Variants in KCNH3 observed in about 807,000 individuals in gnomAD.
KCNH3 encodes potassium voltage-gated channel subfamily H member 3.
Under a neutral mutation model 95.6 loss-of-function variants are expected in KCNH3, and 36 were observed. The observed-to-expected ratio is 0.38, with a 90% confidence interval of 0.29 to 0.50. KCNH3 has a LOEUF of 0.50. Among genes scored for constraint, KCNH3 ranks in the 20% least tolerant of loss-of-function variants. KCNH3 has a pLI of 0.95. For missense variants in KCNH3, 1,030 were observed against 1,484.1 expected (o/e 0.69, Z 5.03); for synonymous variants, 620 against 646.3 (o/e 0.96, Z 0.62).
In KCNH3 at chr12:49,557,798, G is replaced by C; in HGVS notation, c.3097G>C (p.Val1033Leu). The change falls in exon 15 of 15, where the codon GTG (valine) becomes CTG (leucine). Residue 1033 changes from valine to leucine, a missense_variant. This residue lies in a region of KCNH3 where 464 missense variants were observed against 493.2 expected (regional missense o/e 0.94). Transcript: ENST00000257981. The stretch of plus-strand genomic sequence containing the variant: ...GGCTAGGACTGGGCCCGCAGAGCCT[G>C]TGAGCCAGGCTGAGGCTACCAGCAC... ...EGARTGPAEPVSQAEATSTGE... is the reference protein window; with the variant it reads ...EGARTGPAEPLSQAEATSTGE... 6.2e-7 allele frequency: 1 copy of C among 1,606,104 alleles called. No individual in the cohort carries two copies. Among genetic ancestry groups the C allele is most frequent in the Non-Finnish European group, 8.5e-7 (1 of 1,174,774 alleles).
rs1056631966 is a variant in KCNH3, at chr12:49,549,541, C to G, written c.1569C>G (p.Asp523Glu). The G allele has an allele frequency of 3.7e-6, 6 of 1,613,510 alleles. No homozygotes were observed. Among genetic ancestry groups the G allele is most frequent in the Admixed American group, 3.3e-5 (2 of 60,008 alleles). ...LYHSRTRDLRDYIRIHRIPKP... is the reference protein window; with the variant it reads ...LYHSRTRDLREYIRIHRIPKP... ...ACAGCCGCACGCGCGACCTGCGCGA[C>G]TACATCCGCATCCACCGTATCCCCA... The change falls in exon 9 of 15, where the codon GAC (aspartate) becomes GAG (glutamate). Residue 523 changes from aspartate (D) to glutamate (E), a missense_variant. Around this residue, in one of 9 missense-constraint regions of KCNH3, gnomAD observed 160 missense variants for 316.2 expected, o/e 0.51. Coordinates refer to ENST00000257981, the MANE Select transcript of KCNH3 (RefSeq NM_012284.3).
rs944040767 is a variant in KCNH3 at position 49,550,151 on chromosome 12, G to A, written c.1740G>A (p.Leu580=). The change falls in exon 10 of 15, where the codon CTG becomes CTA. Residue 580 remains leucine (L), a synonymous_variant. Transcript: ENST00000257981. ...AMHLHKEVLQ[L]PLFEAASRGC... is the part of the protein sequence containing the mutation. ...ACCTGCACAAGGAGGTCCTGCAGCT[G>A]CCACTGTTTGAGGCGGCCAGCCGCG... is the stretch of plus-strand genomic sequence containing the variant. 1.5e-5 allele frequency: 24 copies of A among 1,609,722 alleles called. No individual in the cohort carries two copies. Among genetic ancestry groups the A allele is most frequent in the East Asian group, 8.9e-5 (4 of 44,878 alleles).
chr12:49,545,084 CT>C (rs1938014769), intron 7 of KCNH3, among the ~76,000 whole-genome samples: 1 of 152,124 alleles, frequency 6.6e-6, no homozygotes, highest in South Asian at 2.1e-4. Flanking sequence ...TCACCTGACC[CT>C]GCCAACCATA....
At position 49,556,743 on chromosome 12, in the gene KCNH3, C is replaced by T. The variant is rs576092688; in HGVS notation, c.2575+267C>T. On this transcript the variant is annotated intron_variant, in intron 13 of 14. Transcript: ENST00000257981. ...GTGAATTTGGCTTCTCTGGCCCCAG[C>T]TTCCTGTCTGTAAAAAAATGGGTTG... The T allele has an allele frequency of 3.8e-4, 258 of 683,308 alleles. 4 individuals are homozygous for T. The highest frequency in any genetic ancestry group is 3.7e-3 in the South Asian group (247 of 66,598). The allele number at this position is 683,308 out of a possible 1,614,324, so 42.3% of individuals were successfully genotyped here.
At chr12:49,553,220 C>T (rs907477085) in intron 10 of KCNH3, among the ~76,000 whole-genome samples, 1 of 151,980 alleles carries the variant, frequency 6.6e-6, no homozygotes, top group African/African-American at 2.4e-5. Flanking sequence ...ACTGCAGCCT[C>T]GACCTACTGG....
chr12:49,542,219 C>T (rs934087954), intron 3 of KCNH3, among the ~76,000 whole-genome samples: 2 of 152,194 alleles, frequency 1.3e-5, no homozygotes, highest in African/African-American at 4.8e-5. Flanking sequence ...GTCAAGGCCT[C>T]TTTGCCATTT....
intron 12 of KCNH3, 174 bp downstream of exon 12, chr12:49,556,125 A>G: frequency 3.4e-6 from 2 of 591,704 alleles, no homozygotes; most frequent in Non-Finnish European, 6.0e-6. Flanking sequence ...CTGCTGTCCC[A>G]CTCCACTGTG....
chr12:49,549,412 G>A (rs1418281133), intron 8 of KCNH3, 29 bp from the exon 9 acceptor site: 1 of 1,610,392 alleles, frequency 6.2e-7, no homozygotes, highest in Non-Finnish European at 8.5e-7. Context: ...AGGTCCCCTA[G>A]GTGACCCCCT....
chr12:49,552,287 G>A (rs1204156036), intron 10 of KCNH3, among the ~76,000 whole-genome samples: 1 of 152,162 alleles, frequency 6.6e-6, no homozygotes, highest in Non-Finnish European at 1.5e-5. Flanking sequence ...CAGGCACCAC[G>A]TCTCAGAATA....
Position 49,544,222 on chromosome 12 carries a change from G to T in KCNH3, c.1029G>T (p.Leu343=). The T allele has an allele frequency of 6.3e-7, 1 of 1,592,172 alleles. No individual in the cohort carries two copies. ...AGACGGTGCGCCTGCTGCGCCTGCT[G>T]CGCCTGCTTCCGCGGCTGGACCGGT... is the stretch of plus-strand genomic sequence containing the variant. ...LLKTVRLLRL[L]RLLPRLDRYS... The change falls in exon 7 of 15, where the codon CTG becomes CTT. Residue 343 remains leucine, a synonymous_variant. Transcript: ENST00000257981.
Position 49,557,363 on chromosome 12 carries a change from C to G in KCNH3, c.2662C>G (p.Leu888Val). Reference sequence around the variant, plus strand: ...CCTCCCTCCCCCAAAGGTGACAGAGCTGTCAGAGCAGGTGCTGCAGATGCG... The same window carrying G: ...CCTCCCTCCCCCAAAGGTGACAGAGGTGTCAGAGCAGGTGCTGCAGATGCG... ...LDKLRQAVTELSEQVLQMREG... is the reference protein window; with the variant it reads ...LDKLRQAVTEVSEQVLQMREG... Residue 888 changes from leucine (L) to valine (V), a missense_variant, in exon 15 of 15, where the codon CTG becomes GTG. Transcript: ENST00000257981. 1 of 1,605,644 alleles carries G rather than the reference C, an allele frequency of 6.2e-7. No homozygotes were observed. Among genetic ancestry groups the G allele is most frequent in the South Asian group, 1.1e-5 (1 of 90,444 alleles).
chr12:49,551,884 G>A (rs958104619), intron 10 of KCNH3, among the ~76,000 whole-genome samples: 1 of 152,214 alleles, frequency 6.6e-6, no homozygotes, highest in Non-Finnish European at 1.5e-5. Flanking sequence ...GGTGTCACCA[G>A]ACGCAGCTAC....
At chr12:49,541,893 A>G in intron 3 of KCNH3, 129 bp downstream of exon 3, 1 of 966,824 alleles carries the variant, frequency 1.0e-6, no homozygotes, top group Non-Finnish European at 1.6e-6. Flanking sequence ...AGGCTGCCTG[A>G]GAGGCCTGTG....
In KCNH3 at chr12:49,539,549, C is replaced by A; in HGVS notation, c.76+57C>A. The A allele has an allele frequency of 6.8e-7, 1 of 1,473,054 alleles. No individual in the cohort carries two copies. 91.2% of individuals were successfully genotyped at this position (1,473,054 alleles called of 1,614,324 possible). On this transcript the variant is annotated intron_variant, in intron 1 of 14. Coordinates refer to ENST00000257981, the MANE Select transcript of KCNH3 (RefSeq NM_012284.3). This position sits in a 1 kb window ranked among gnomAD's most constrained non-coding sequence, Gnocchi z 6.7. The stretch of plus-strand genomic sequence containing the variant: ...GCCGCCGGACCCTCGCCAGGGCTCC[C>A]GCCTTCCCCGAACCCCCAGCAGCCC...
Position 49,557,509 on chromosome 12 carries a change from G to T in KCNH3, c.2808G>T (p.Gln936His). ...PCPASTSGLL[Q>H]PLCVDTGASS... ...CAGCCAGCACCTCCGGGCTTCTGCA[G>T]CCTCTGTGTGTGGACACTGGGGCAT... Residue 936 changes from glutamine to histidine, a missense_variant, in exon 15 of 15, where the codon CAG becomes CAT. Gln to His is a conservative substitution (Grantham distance 24). Transcript: ENST00000257981. 1 of 1,611,794 alleles carries T rather than the reference G, an allele frequency of 6.2e-7. No individual in the cohort carries two copies.
intron 2 of KCNH3, among the ~76,000 whole-genome samples, chr12:49,541,370 G>A (rs566964413): frequency 9.9e-5 from 15 of 152,196 alleles, no homozygotes; most frequent in African/African-American, 2.9e-4. Context: ...CGGGTTTCCC[G>A]CATCCAACAG....
At chr12:49,549,967 C>G in intron 9 of KCNH3, 113 bp from the exon 10 acceptor site, 1 of 1,180,500 alleles carries the variant, frequency 8.5e-7, no homozygotes, top group Non-Finnish European at 1.2e-6. Flanking sequence ...CCTCAGGTCC[C>G]TCCCATGCCT....
chr12:49,554,223 C>T, intron 10 of KCNH3, 114 bp from the exon 11 acceptor site: 2 of 817,784 alleles, frequency 2.4e-6, no homozygotes, highest in Non-Finnish European at 4.1e-6. Flanking sequence ...TTCAAGGCTT[C>T]AGCTACAGAG....
At position 49,540,859 on chromosome 12, in the gene KCNH3, C is replaced by T. The variant is rs1446654483; in HGVS notation, c.77-40C>T. 3.2e-6 allele frequency: 5 copies of T among 1,554,338 alleles called. No homozygotes were observed. The East Asian group carries it at 9.0e-5, about 28-fold the overall frequency. Reference sequence around the variant, plus strand: ...AAGGAGGGGTGGTAGGCCTCCTGCCCCTTCACCCCACGCCTCCTCTGAGAA... The same window carrying T: ...AAGGAGGGGTGGTAGGCCTCCTGCCTCTTCACCCCACGCCTCCTCTGAGAA... On this transcript the variant is annotated intron_variant, in intron 1 of 14. Coordinates refer to ENST00000257981, the MANE Select transcript of KCNH3 (RefSeq NM_012284.3).
Sources: gnomAD v4.1 joint callset for allele counts (sites outside exome capture counted in the v4.1 genomes callset) on GRCh38, gnomAD v4.1.1 for gene constraint, gnomAD v4.1.1 regional missense constraint, Gnocchi (gnomAD v3.1) non-coding constraint, MANE v1.5 for transcripts, NCBI Gene and HGNC (gene_info 2026-07-23, HGNC 2026-07-21) for gene names.